The following ELP3 variants were observed in gnomAD, a reference collection of about 807,000 sequenced individuals.
ELP3 encodes elongator acetyltransferase complex subunit 3.
In ELP3, 56 loss-of-function variants were observed where a neutral mutation model predicts 74.9. That is an observed-to-expected ratio of 0.75 (90% CI 0.60 to 0.93). The LOEUF (loss-of-function observed/expected upper bound fraction) is 0.93. Ranked by LOEUF, ELP3 falls within the 40% of genes least tolerant of loss-of-function variation. ELP3 has a pLI of 0.00. For synonymous variants in ELP3, 222 were observed against 239.8 expected, an observed-to-expected ratio of 0.93 and a Z score of 0.68; for missense variants, 573 against 686.5, an observed-to-expected ratio of 0.83 and a Z score of 1.85.
In ELP3 at chr8:28,126,566, T is replaced by G. The variant is rs533816810; in HGVS notation, c.618-2936T>G. Among the ~76,000 whole-genome samples the G allele has an allele frequency of 2.0e-5, 3 of 152,278 alleles. No homozygotes were observed. In the East Asian group the frequency reaches 5.8e-4, roughly 29 times the overall value. On this transcript the variant is annotated intron_variant, in intron 7 of 14. Coordinates refer to ENST00000256398, the MANE Select transcript of ELP3 (RefSeq NM_018091.6). The stretch of plus-strand genomic sequence containing the variant: ...AGTCTTGGCCTTGTCTCTCGAGAAG[T>G]TGACAGAGTTGCTGCATGCCGAAGA...
chr8:28,170,274 A>G (rs1456623854), intron 14 of ELP3, among the ~76,000 whole-genome samples: 1 of 152,208 alleles, frequency 6.6e-6, no homozygotes, highest in Non-Finnish European at 1.5e-5. Flanking sequence ...ATACTTCTCC[A>G]TTGCTTTGTG....
intron 10 of ELP3, among the ~76,000 whole-genome samples, chr8:28,140,055 T>C (rs1294878513): frequency 6.6e-6 from 1 of 152,136 alleles, no homozygotes; most frequent in East Asian, 1.9e-4. Flanking sequence ...TGGATTTTGG[T>C]GTCTTTGGGA....
At chr8:28,093,568 G>T in intron 1 of ELP3, 1 of 381,534 alleles carries the variant, frequency 2.6e-6, no homozygotes. Flanking sequence ...TTTGTTTCAC[G>T]ACACATTTGA....
chr8:28,128,705 A>G (rs1389481660), intron 7 of ELP3, among the ~76,000 whole-genome samples: 2 of 152,164 alleles, frequency 1.3e-5, no homozygotes, highest in Non-Finnish European at 1.5e-5. Flanking sequence ...GACACACTTC[A>G]TAGAGCTAGT....
chr8:28,136,401 A>G (rs1447230956), intron 9 of ELP3, among the ~76,000 whole-genome samples: 1 of 152,240 alleles, frequency 6.6e-6, no homozygotes, highest in African/African-American at 2.4e-5. Flanking sequence ...GAAACTTATT[A>G]TACAAGCACC....
rs142157573 is a variant in ELP3 at position 28,175,187 on chromosome 8, A to C, written c.1567+13109A>C. ...TGTATAGATTCATGTCTTTCAACAA[A>C]TTTGGGAAGTATTCAGCCATTTCTT... On this transcript the variant is annotated intron_variant, in intron 14 of 14. Transcript: ENST00000256398. Among the ~76,000 whole-genome samples, 117 of 152,286 alleles carry C rather than the reference A, an allele frequency of 7.7e-4. 1 individual carries two copies. The East Asian group carries it at 0.017, about 22-fold the overall frequency.
At chr8:28,115,495 A>C (rs1812092732) in intron 7 of ELP3, among the ~76,000 whole-genome samples, 1 of 152,210 alleles carries the variant, frequency 6.6e-6, no homozygotes, top group South Asian at 2.1e-4. Flanking sequence ...AGGACATGGG[A>C]AATGGCAGCA....
chr8:28,146,845 T>C (rs796154920), intron 10 of ELP3, among the ~76,000 whole-genome samples: 14 of 152,340 alleles, frequency 9.2e-5, no homozygotes, highest in African/African-American at 3.1e-4. Flanking sequence ...CCAAAGACCA[T>C]TGAATCCATG....
intron 14 of ELP3, among the ~76,000 whole-genome samples, chr8:28,181,908 G>C (rs1815025039): frequency 6.6e-6 from 1 of 152,170 alleles, no homozygotes; most frequent in Non-Finnish European, 1.5e-5. Flanking sequence ...TGCCTGGCAG[G>C]TATTTAAATC....
At chr8:28,162,110 T>G in intron 14 of ELP3, 32 bp downstream of exon 14, 1 of 1,608,080 alleles carries the variant, frequency 6.2e-7, no homozygotes, top group Non-Finnish European at 8.5e-7. Context: ...TCATGATTCC[T>G]TCCCATTTTG....
At chr8:28,131,031 G>T (rs560825684) in intron 8 of ELP3, among the ~76,000 whole-genome samples, 9 of 152,332 alleles carry the variant, frequency 5.9e-5, no homozygotes, top group Non-Finnish European at 1.0e-4. Context: ...CGCTTACAGT[G>T]TAAGGGGCAG....
At chr8:28,092,766 G>A (rs933437537), upstream of ELP3, 56 of 267,264 alleles carry the variant, frequency 2.1e-4, no homozygotes, top group African/African-American at 1.2e-3. Context: ...TTCCTCCTCC[G>A]TGGTCTCGCC....
chr8:28,096,344 C>T (rs1474435407), intron 1 of ELP3, among the ~76,000 whole-genome samples: 1 of 152,206 alleles, frequency 6.6e-6, no homozygotes, highest in Non-Finnish European at 1.5e-5. Flanking sequence ...TAAAACCACC[C>T]TGCTCCCCTG....
At chr8:28,108,511 G>C (rs1486018561) in intron 5 of ELP3, among the ~76,000 whole-genome samples, 3 of 133,732 alleles carry the variant, frequency 2.2e-5, no homozygotes, top group African/African-American at 8.7e-5. Flanking sequence ...AGGCTAGAGT[G>C]CAGTGGCACG....
intron 3 of ELP3, 126 bp from the exon 4 acceptor site, chr8:28,106,587 A>G (rs1811704655): frequency 1.8e-6 from 1 of 555,296 alleles, no homozygotes; most frequent in Non-Finnish European, 3.2e-6. Context: ...CCTCGTCAAT[A>G]CCTTTGAAGC....
intron 7 of ELP3, among the ~76,000 whole-genome samples, chr8:28,116,736 C>T (rs1028367494): frequency 6.6e-6 from 1 of 151,906 alleles, no homozygotes; most frequent in Non-Finnish European, 1.5e-5. Flanking sequence ...GAGACTGTGT[C>T]TCAAAAAACA....
At chr8:28,140,031 G>T (rs1323630109) in intron 10 of ELP3, among the ~76,000 whole-genome samples, 2 of 152,106 alleles carry the variant, frequency 1.3e-5, no homozygotes, top group African/African-American at 4.8e-5. Flanking sequence ...TTATATGAGG[G>T]ACTTGAGCAT....
chr8:28,182,716 C>T (rs1815066372), intron 14 of ELP3, among the ~76,000 whole-genome samples: 4 of 152,176 alleles, frequency 2.6e-5, no homozygotes, highest in Admixed American at 2.6e-4. Flanking sequence ...AGCCAGAGGC[C>T]CAGGCTCCGG....
chr8:28,119,821 T>C (rs9694663), intron 7 of ELP3, among the ~76,000 whole-genome samples: 77,265 of 151,096 alleles, frequency 0.51, 20,504 homozygotes, highest in East Asian at 0.89. Flanking sequence ...CAAATTAGTT[T>C]TGTCTCTTCT....
Sources: gnomAD v4.1 joint callset for allele counts (sites outside exome capture counted in the v4.1 genomes callset) on GRCh38, gnomAD v4.1.1 for gene constraint, MANE v1.5 for transcripts, NCBI Gene and HGNC (gene_info 2026-07-23, HGNC 2026-07-21) for gene names.